Variants in SLC2A13 observed in about 807,000 individuals in gnomAD.
The protein encoded by SLC2A13 is solute carrier family 2 member 13.
Under a neutral mutation model 64.4 loss-of-function variants are expected in SLC2A13, and 32 were observed. The ratio of observed to expected loss-of-function variants is 0.50; its 90% confidence interval spans 0.37 to 0.67. The LOEUF is 0.67. SLC2A13 is among the 30% of genes least tolerant of loss of function. The probability of loss-of-function intolerance (pLI) is 0.00; values close to 1 mark genes in which losing one functional copy is unlikely to be tolerated. For missense variants in SLC2A13, 743 were observed against 829.2 expected (o/e 0.90, Z 1.28); for synonymous variants, 338 against 327.1 (o/e 1.03, Z -0.36).
chr12:40,070,874 A>G (rs538045121), intron 1 of SLC2A13, among the ~76,000 whole-genome samples: 2 of 152,286 alleles, frequency 1.3e-5, no homozygotes, highest in Admixed American at 6.5e-5. Flanking sequence ...CTTCCAAGTC[A>G]TTATCTCATT....
chr12:39,824,756 G>A (rs531825944), intron 7 of SLC2A13, among the ~76,000 whole-genome samples: 223 of 152,220 alleles, frequency 1.5e-3, no homozygotes, highest in African/African-American at 5.3e-3. Flanking sequence ...ATCCAGGGGA[G>A]TGCTAGAGGG....
chr12:39,909,428 G>T (rs1945371328), intron 4 of SLC2A13, among the ~76,000 whole-genome samples: 1 of 152,146 alleles, frequency 6.6e-6, no homozygotes, highest in East Asian at 1.9e-4. Context: ...AATTTTTCTG[G>T]ATTTGGTGCT....
intron 6 of SLC2A13, among the ~76,000 whole-genome samples, chr12:39,841,920 TTA>T (rs1182821157): frequency 6.6e-6 from 1 of 152,110 alleles, no homozygotes; most frequent in Non-Finnish European, 1.5e-5. Flanking sequence ...ATCATGAGCC[TTA>T]TTGTGCTAAT....
intron 7 of SLC2A13, among the ~76,000 whole-genome samples, chr12:39,829,210 A>C (rs910576222): frequency 6.6e-6 from 1 of 151,908 alleles, no homozygotes; most frequent in African/African-American, 2.4e-5. Flanking sequence ...ATTTTATACT[A>C]ATATTTCATT....
At chr12:39,773,564 T>C (rs967570486) in intron 7 of SLC2A13, among the ~76,000 whole-genome samples, 1 of 152,212 alleles carries the variant, frequency 6.6e-6, no homozygotes, top group Non-Finnish European at 1.5e-5. Context: ...GTTTCAAACC[T>C]AAGAAATAAC....
At chr12:39,861,431 A>C (rs1239887718) in intron 6 of SLC2A13, among the ~76,000 whole-genome samples, 1 of 152,240 alleles carries the variant, frequency 6.6e-6, no homozygotes, top group African/African-American at 2.4e-5. Context: ...CTACAACTGT[A>C]TGCTTTAGGA....
At chr12:39,899,072 G>T (rs1201405024) in intron 4 of SLC2A13, among the ~76,000 whole-genome samples, 3 of 151,836 alleles carry the variant, frequency 2.0e-5, no homozygotes, top group African/African-American at 7.2e-5. Flanking sequence ...GTTCCTCCTT[G>T]TACCTCTGGT....
chr12:40,004,115 A>G (rs1429360988), intron 3 of SLC2A13, among the ~76,000 whole-genome samples: 1 of 152,246 alleles, frequency 6.6e-6, no homozygotes, highest in Non-Finnish European at 1.5e-5. Flanking sequence ...ATTCGGTTTT[A>G]TAAGTAATCC....
At chr12:40,082,524 C>T (rs908107741) in intron 1 of SLC2A13, among the ~76,000 whole-genome samples, 4 of 152,198 alleles carry the variant, frequency 2.6e-5, no homozygotes, top group African/African-American at 9.6e-5. Flanking sequence ...CAGGTGTGGC[C>T]AGGCAGGGAC....
chr12:39,783,631 G>A (rs1433377489), intron 7 of SLC2A13, among the ~76,000 whole-genome samples: 1 of 152,146 alleles, frequency 6.6e-6, no homozygotes, highest in Non-Finnish European at 1.5e-5. Context: ...GTAATGATGA[G>A]CATTTTTTCA....
chr12:39,942,646 A>G (rs1946053766), intron 4 of SLC2A13, among the ~76,000 whole-genome samples: 1 of 152,090 alleles, frequency 6.6e-6, no homozygotes, highest in African/African-American at 2.4e-5. Context: ...CTCGTTAGCA[A>G]TTATTTCCTC....
chr12:39,969,635 G>T (rs1422852772), intron 3 of SLC2A13, among the ~76,000 whole-genome samples: 14 of 151,890 alleles, frequency 9.2e-5, no homozygotes, highest in East Asian at 1.9e-4. Flanking sequence ...TTGCCCACTT[G>T]TTGATGGGGT....
chr12:40,089,739 T>A (rs1938699397), intron 1 of SLC2A13, among the ~76,000 whole-genome samples: 1 of 152,208 alleles, frequency 6.6e-6, no homozygotes, highest in Admixed American at 6.5e-5. Flanking sequence ...AAATGTAAAA[T>A]ATATGGAGAT....
intron 7 of SLC2A13, among the ~76,000 whole-genome samples, chr12:39,796,734 T>G (rs1941588610): frequency 6.6e-6 from 1 of 152,170 alleles, no homozygotes; most frequent in African/African-American, 2.4e-5. Flanking sequence ...GTCTTTTGGT[T>G]TCAGCAGTTC....
chr12:39,879,422 C>T (rs764485400), intron 4 of SLC2A13, among the ~76,000 whole-genome samples: 1 of 152,240 alleles, frequency 6.6e-6, no homozygotes. Context: ...GCCCTGGGGA[C>T]TGAACCCTGC....
intron 2 of SLC2A13, among the ~76,000 whole-genome samples, chr12:40,034,464 T>A (rs997193041): frequency 2.0e-5 from 3 of 152,180 alleles, no homozygotes; most frequent in Admixed American, 6.5e-5. Context: ...CTGAGTACAG[T>A]GGGGCTTTCT....
At chr12:39,818,818 T>C (rs932757143) in intron 7 of SLC2A13, among the ~76,000 whole-genome samples, 6 of 152,170 alleles carry the variant, frequency 3.9e-5, no homozygotes, top group African/African-American at 9.7e-5. Flanking sequence ...TTTCTACATA[T>C]AAAATATTGT....
At chr12:39,844,963 G>A (rs1943268419) in intron 6 of SLC2A13, among the ~76,000 whole-genome samples, 1 of 151,844 alleles carries the variant, frequency 6.6e-6, no homozygotes, top group African/African-American at 2.4e-5. Context: ...TGGACTAATG[G>A]AAATTCATGA....
At chr12:40,012,156 A>C (rs572933234) in intron 3 of SLC2A13, among the ~76,000 whole-genome samples, 10 of 152,348 alleles carry the variant, frequency 6.6e-5, no homozygotes, top group African/African-American at 2.4e-4. Context: ...ATAGTGAATT[A>C]GTTTCTCATC....
Sources: allele counts gnomAD v4.1 joint callset (sites outside exome capture counted in the v4.1 genomes callset), GRCh38; gene constraint gnomAD v4.1.1; transcripts MANE v1.5; gene names NCBI Gene and HGNC (gene_info 2026-07-23, HGNC 2026-07-21).